DCC: variants seen among roughly 807,000 people sequenced by gnomAD.
DCC encodes DCC netrin 1 receptor, also known as netrin receptor DCC.
In DCC, 58 loss-of-function variants were observed where a neutral mutation model predicts 172.5. That is an observed-to-expected ratio of 0.34 (90% CI 0.27 to 0.42). DCC has a LOEUF of 0.42. DCC is among the 10% of genes least tolerant of loss of function. The probability of loss-of-function intolerance (pLI) is 1.00; values close to 1 mark genes in which losing one functional copy is unlikely to be tolerated. For missense variants in DCC, 1,740 were observed against 1,791.0 expected, an observed-to-expected ratio of 0.97 and a Z score of 0.51; for synonymous variants, 709 against 644.5, an observed-to-expected ratio of 1.10 and a Z score of -1.52.
At chr18:52,844,468 T>C (rs964088728) in intron 2 of DCC, among the ~76,000 whole-genome samples, 2 of 152,186 alleles carry the variant, frequency 1.3e-5, no homozygotes, top group Admixed American at 6.5e-5. Context: ...TCCACACACA[T>C]AGTAATTGGC....
chr18:53,381,764 T>G (rs1907758802), intron 15 of DCC, among the ~76,000 whole-genome samples: 1 of 152,042 alleles, frequency 6.6e-6, no homozygotes, highest in Non-Finnish European at 1.5e-5. Flanking sequence ...TCCAGAGAGA[T>G]AGTTTTTCCA....
At position 53,459,392 on chromosome 18, in the gene DCC, G is replaced by C. The variant is rs552458107; in HGVS notation, c.3553G>C (p.Asp1185His). 6.2e-7 allele frequency: 1 copy of C among 1,614,050 alleles called. No homozygotes were observed. The highest frequency in any genetic ancestry group is 1.7e-5 in the Admixed American group (1 of 60,014). The change falls in exon 24 of 29, where the codon GAC (aspartate) becomes CAC (histidine). Residue 1185 changes from aspartate (D) to histidine (H), a missense_variant. Coordinates refer to ENST00000442544, the MANE Select transcript of DCC (RefSeq NM_005215.4). ...GRDSPIQSCQ[D>H]LTPVSHSQSE... ...GGACTCTCCCATCCAAAGTTGCCAA[G>C]ACCTCACACCAGTCAGCCACAGCCA...
At chr18:52,811,029 G>A (rs976333445) in intron 2 of DCC, among the ~76,000 whole-genome samples, 1 of 152,002 alleles carries the variant, frequency 6.6e-6, no homozygotes, top group African/African-American at 2.4e-5. Context: ...TAGCACAGAG[G>A]GGACAACACA....
chr18:52,760,962 A>G (rs922373938), intron 2 of DCC, among the ~76,000 whole-genome samples: 4 of 151,928 alleles, frequency 2.6e-5, no homozygotes, highest in African/African-American at 9.7e-5. Context: ...CCCTGTAAAA[A>G]GTTATTGTTA....
Position 53,063,476 on chromosome 18 carries a change from A to C in DCC, c.1140+17A>C. The C allele has an allele frequency of 6.4e-7, 1 of 1,573,180 alleles. No homozygotes were observed. Among genetic ancestry groups the C allele is most frequent in the Non-Finnish European group, 8.7e-7 (1 of 1,144,186 alleles). The stretch of plus-strand genomic sequence containing the variant: ...CAGATAGTGGTAATTATTTTGTTTC[A>C]TATTTGTTTTATAATCCCATTCATT... On this transcript the variant is annotated intron_variant, in intron 6 of 28. Transcript: ENST00000442544.
At chr18:52,885,792 C>T (rs1388418513) in intron 2 of DCC, among the ~76,000 whole-genome samples, 2 of 152,044 alleles carry the variant, frequency 1.3e-5, no homozygotes, top group African/African-American at 2.4e-5. Flanking sequence ...CACAACATCT[C>T]AGGGCTCTAG....
chr18:53,057,333 G>A (rs939490827), intron 5 of DCC, among the ~76,000 whole-genome samples: 1 of 152,016 alleles, frequency 6.6e-6, no homozygotes, highest in African/African-American at 2.4e-5. Flanking sequence ...AGGTTTGCCT[G>A]TACAACTCTT....
chr18:52,763,089 A>T (rs1371945035), intron 2 of DCC, among the ~76,000 whole-genome samples: 1 of 152,180 alleles, frequency 6.6e-6, no homozygotes, highest in African/African-American at 2.4e-5. Flanking sequence ...TTGTTGATTT[A>T]TAACTCCTGT....
chr18:52,527,913 A>C (rs372043033), intron 1 of DCC, among the ~76,000 whole-genome samples: 1 of 152,208 alleles, frequency 6.6e-6, no homozygotes, highest in African/African-American at 2.4e-5. Context: ...CCTTATTTCC[A>C]CAGAATGATT....
intron 1 of DCC, among the ~76,000 whole-genome samples, chr18:52,640,537 C>A (rs1011829183): frequency 6.6e-6 from 1 of 151,800 alleles, no homozygotes; most frequent in Non-Finnish European, 1.5e-5. Flanking sequence ...TTAATGTACA[C>A]AAATTAGTAG....
At chr18:53,223,953 T>C (rs1296348776) in intron 12 of DCC, among the ~76,000 whole-genome samples, 1 of 152,180 alleles carries the variant, frequency 6.6e-6, no homozygotes, top group Non-Finnish European at 1.5e-5. Context: ...ATTTCATTTA[T>C]TGCTTTTAAT....
chr18:53,361,677 T>C (rs2057949235), intron 15 of DCC, among the ~76,000 whole-genome samples: 1 of 152,164 alleles, frequency 6.6e-6, no homozygotes, highest in African/African-American at 2.4e-5. Flanking sequence ...ACAATACCAA[T>C]TTCAAATTCA....
At chr18:53,306,997 G>A (rs557420031) in intron 13 of DCC, among the ~76,000 whole-genome samples, 13 of 152,218 alleles carry the variant, frequency 8.5e-5, no homozygotes, top group Middle Eastern at 3.4e-3. Context: ...TTTTCTCTAC[G>A]CCAGATACTC....
rs373687247 is a variant in DCC, at chr18:53,502,351, T to A, written c.4111+2841T>A. 1.3e-3 allele frequency among the ~76,000 whole-genome samples: 193 copies of A among 152,366 alleles called. 3 individuals are homozygous for A. Among genetic ancestry groups the A allele is most frequent in the Middle Eastern group, 6.8e-3 (2 of 294 alleles). On this transcript the variant is annotated intron_variant, in intron 27 of 28. Coordinates refer to ENST00000442544, the MANE Select transcript of DCC (RefSeq NM_005215.4). ...CCTATGATTCCTGTTCATTTCATAA[T>A]GTCTTACCTCATGATTTTCAAATAA...
intron 12 of DCC, among the ~76,000 whole-genome samples, chr18:53,293,100 G>A (rs2057024466): frequency 6.6e-6 from 1 of 152,170 alleles, no homozygotes; most frequent in African/African-American, 2.4e-5. Flanking sequence ...TAACTAGGGA[G>A]AGATAATGTT....
intron 1 of DCC, among the ~76,000 whole-genome samples, chr18:52,720,325 C>T (rs57307063): frequency 0.13 from 20,196 of 152,078 alleles, 2,265 homozygotes; most frequent in African/African-American, 0.31. Flanking sequence ...GTTCTATGAG[C>T]GCTCTATGCT....
intron 5 of DCC, among the ~76,000 whole-genome samples, chr18:52,994,475 T>C (rs1277858441): frequency 6.6e-6 from 1 of 152,142 alleles, no homozygotes; most frequent in Non-Finnish European, 1.5e-5. Context: ...CAGGCTTATA[T>C]TTTATGCTCA....
chr18:52,345,361 T>A (rs1458490635), intron 1 of DCC, among the ~76,000 whole-genome samples: 1 of 152,234 alleles, frequency 6.6e-6, no homozygotes, highest in African/African-American at 2.4e-5. Context: ...ATTCATAAAA[T>A]GTAAACGTCA....
intron 1 of DCC, among the ~76,000 whole-genome samples, chr18:52,594,583 T>A (rs1568246194): frequency 6.6e-6 from 1 of 152,224 alleles, no homozygotes; most frequent in Non-Finnish European, 1.5e-5. Flanking sequence ...TGTGTTGCTA[T>A]AATAAATACC....
Sources: allele counts gnomAD v4.1 joint callset (sites outside exome capture counted in the v4.1 genomes callset), GRCh38; gene constraint gnomAD v4.1.1; transcripts MANE v1.5; gene names NCBI Gene and HGNC (gene_info 2026-07-23, HGNC 2026-07-21).